The following MICU2 variants were observed in gnomAD, a reference collection of about 807,000 sequenced individuals.
The protein encoded by MICU2 is mitochondrial calcium uptake 2, also known as calcium uptake protein 2, mitochondrial.
A neutral mutation model predicts 60.4 loss-of-function variants in MICU2; 64 were observed. The observed-to-expected ratio is 1.06, with a 90% CI of 0.87 to 1.31. The LOEUF (loss-of-function observed/expected upper bound fraction) is 1.31. MICU2 is among the 50% of genes most tolerant of loss of function. The pLI is 0.00. For missense variants in MICU2, 569 were observed against 531.0 expected, an observed-to-expected ratio of 1.07 and a Z score of -0.70; for synonymous variants, 201 against 175.0, an observed-to-expected ratio of 1.15 and a Z score of -1.17.
At chr13:21,545,501 T>C (rs556868040) in intron 2 of MICU2, among the ~76,000 whole-genome samples, 3 of 152,076 alleles carry the variant, frequency 2.0e-5, no homozygotes, top group African/African-American at 7.2e-5. Context: ...ACCAGCGTGG[T>C]GAAACTCCAT....
chr13:21,572,249 G>A (rs1463685975), intron 1 of MICU2, among the ~76,000 whole-genome samples: 1 of 152,244 alleles, frequency 6.6e-6, no homozygotes, highest in African/African-American at 2.4e-5. Flanking sequence ...TAAGCCAGCT[G>A]TACGCTGTGT....
chr13:21,502,649 G>C (rs1886203864), intron 9 of MICU2, among the ~76,000 whole-genome samples: 1 of 151,984 alleles, frequency 6.6e-6, no homozygotes, highest in African/African-American at 2.4e-5. Context: ...TTGTTAATTT[G>C]GACTGGTTAA....
intron 1 of MICU2, among the ~76,000 whole-genome samples, chr13:21,585,646 T>C (rs939142711): frequency 6.6e-6 from 1 of 152,228 alleles, no homozygotes; most frequent in Non-Finnish European, 1.5e-5. Context: ...CAAATTCAAA[T>C]AGATCCATCT....
chr13:21,600,542 T>C (rs186111548), intron 1 of MICU2, among the ~76,000 whole-genome samples: 56 of 152,318 alleles, frequency 3.7e-4, no homozygotes, highest in African/African-American at 1.3e-3. Flanking sequence ...TCCCTGCTCC[T>C]GGCATATTGT....
At chr13:21,600,916 GC>G (rs1888799061) in intron 1 of MICU2, among the ~76,000 whole-genome samples, 1 of 151,860 alleles carries the variant, frequency 6.6e-6, no homozygotes, top group South Asian at 2.1e-4. Context: ...CCTGCCTCAG[GC>G]CCCCGAGTGG....
chr13:21,586,332 T>A (rs1333026702), intron 1 of MICU2, among the ~76,000 whole-genome samples: 1 of 152,254 alleles, frequency 6.6e-6, no homozygotes, highest in Non-Finnish European at 1.5e-5. Flanking sequence ...GAATTTACTA[T>A]ACCCTCTGCT....
intron 7 of MICU2, among the ~76,000 whole-genome samples, chr13:21,511,826 T>TC (rs71093322): frequency 2.4e-4 from 36 of 151,582 alleles, no homozygotes; most frequent in East Asian, 1.9e-4. Context: ...TTTTTTTTTT[T>TC]CCCAGCATAA....
At chr13:21,523,873 G>T (rs1886785775) in intron 4 of MICU2, among the ~76,000 whole-genome samples, 1 of 152,320 alleles carries the variant, frequency 6.6e-6, no homozygotes, top group South Asian at 2.1e-4. Flanking sequence ...AGGAATGTGA[G>T]GCAATGGAGA....
At position 21,537,505 on chromosome 13, in the gene MICU2, T is replaced by C. The variant is rs192345816; in HGVS notation, c.466+1797A>G. Among the ~76,000 whole-genome samples, 629 of 151,314 alleles carry C rather than the reference T, an allele frequency of 4.2e-3. 2 individuals are homozygous for C. The highest frequency in any genetic ancestry group is 9.7e-3 in the Admixed American group (147 of 15,166). ...TTTTTTTGAGACAGAGTTTCACTCT[T>C]GTTGCCCAGGCTGGAGTGTAATGGC... is the stretch of plus-strand genomic sequence containing the variant. On this transcript the variant is annotated intron_variant, in intron 4 of 11. Transcript: ENST00000382374.
intron 2 of MICU2, 30 bp from the exon 3 acceptor site, chr13:21,539,718 T>A (rs758209126): frequency 4.4e-6 from 7 of 1,602,946 alleles, no homozygotes; most frequent in Admixed American, 3.4e-5. Flanking sequence ...TTATTTAGTA[T>A]CCATATTCTT....
rs1555273308 is a variant in MICU2, at chr13:21,544,527, A to AAAAC, written c.359-4840_359-4839insGTTT. Among the ~76,000 whole-genome samples, 4 of 147,794 alleles carry AAAAC rather than the reference A, an allele frequency of 2.7e-5. 1 individual carries two copies. Among genetic ancestry groups the AAAAC allele is most frequent in the African/African-American group, 7.4e-5 (3 of 40,616 alleles). On this transcript the variant is annotated intron_variant, in intron 2 of 11. Transcript: ENST00000382374. ...ACCAATAAACACATGAAAAAAAAAAAAAAAAAACTCAATACCACTGATCAT... is the reference window on the plus strand; with the variant it reads ...ACCAATAAACACATGAAAAAAAAAAAAAACAAAAAAACTCAATACCACTGATCAT...
intron 8 of MICU2, among the ~76,000 whole-genome samples, chr13:21,504,645 T>C (rs531064014): frequency 1.1e-3 from 175 of 152,270 alleles, no homozygotes; most frequent in African/African-American, 4.1e-3. Flanking sequence ...GCCAGACACA[T>C]TGTGAACAAA....
intron 1 of MICU2, among the ~76,000 whole-genome samples, chr13:21,594,950 T>C (rs1289949929): frequency 2.0e-5 from 3 of 152,170 alleles, no homozygotes; most frequent in Non-Finnish European, 4.4e-5. Context: ...GGCACACATA[T>C]ACCGATGTAA....
chr13:21,506,597 T>C (rs60789886), intron 8 of MICU2, among the ~76,000 whole-genome samples: 7,334 of 152,292 alleles, frequency 0.048, 587 homozygotes, highest in African/African-American at 0.17. Context: ...TTGCCCCTGC[T>C]TCCTACAGAA....
intron 1 of MICU2, among the ~76,000 whole-genome samples, chr13:21,581,605 C>G (rs1009896776): frequency 2.6e-5 from 4 of 151,922 alleles, no homozygotes; most frequent in Non-Finnish European, 5.9e-5. Context: ...TGGTAAAATA[C>G]AATAATTAGT....
In MICU2 at chr13:21,496,312, C is replaced by A. The variant is rs1885996069; in HGVS notation, c.934-152G>T. ...TTCTCTGTCCCTTTCTCTCTGTGTG[C>A]ACACAGAAATGGCCACACAAAGGGC... On this transcript the variant is annotated intron_variant, in intron 9 of 11. Coordinates refer to ENST00000382374, the MANE Select transcript of MICU2 (RefSeq NM_152726.3). The A allele has an allele frequency of 9.8e-6, 6 of 614,770 alleles. No homozygotes were observed. In the South Asian group the frequency reaches 1.3e-4, roughly 13 times the overall value. The allele number at this position is 614,770 out of a possible 1,614,324, so 38.1% of individuals were successfully genotyped here.
At chr13:21,528,690 C>T (rs1469478067) in intron 4 of MICU2, among the ~76,000 whole-genome samples, 1 of 152,184 alleles carries the variant, frequency 6.6e-6, no homozygotes, top group African/African-American at 2.4e-5. Context: ...AGAAAAGGGC[C>T]TTTTCCCTCA....
At chr13:21,522,331 A>G (rs1246260836) in intron 5 of MICU2, among the ~76,000 whole-genome samples, 1 of 152,178 alleles carries the variant, frequency 6.6e-6, no homozygotes, top group East Asian at 1.9e-4. Flanking sequence ...ATAATGTCAG[A>G]TAAGCATTTT....
chr13:21,600,720 C>A (rs1365340728), intron 1 of MICU2, among the ~76,000 whole-genome samples: 1 of 152,078 alleles, frequency 6.6e-6, no homozygotes, highest in African/African-American at 2.4e-5. Flanking sequence ...GTGTAGGACT[C>A]CATTAATATA....
Sources: allele counts gnomAD v4.1 joint callset (sites outside exome capture counted in the v4.1 genomes callset), GRCh38; gene constraint gnomAD v4.1.1; transcripts MANE v1.5; gene names NCBI Gene and HGNC (gene_info 2026-07-23, HGNC 2026-07-21).